The following CDH23 variants were observed in gnomAD, a reference collection of about 807,000 sequenced individuals.
The protein encoded by CDH23 is cadherin-23.
A neutral mutation model predicts 317.1 loss-of-function variants in CDH23; 189 were observed. The observed-to-expected ratio is 0.60, with a 90% CI of 0.53 to 0.67. The LOEUF (loss-of-function observed/expected upper bound fraction) is 0.67. Ranked by LOEUF, CDH23 falls within the 30% of genes least tolerant of loss-of-function variation. The probability of loss-of-function intolerance (pLI) is 0.00; values close to 1 mark genes in which losing one functional copy is unlikely to be tolerated. For synonymous variants in CDH23, 1,839 were observed against 1,876.8 expected (o/e 0.98, Z 0.52); for missense variants, 4,401 against 4,592.4 (o/e 0.96, Z 1.20).
Position 71,738,484 on chromosome 10 carries a change from A to C in CDH23, c.4210-14A>C, listed in dbSNP as rs149441656. The C allele has an allele frequency of 2.7e-4, 441 of 1,613,918 alleles. 2 individuals carry two copies. The African/African-American group carries it at 5.0e-3, about 18-fold the overall frequency. On this transcript the variant is annotated splice_polypyrimidine_tract_variant and intron_variant, in intron 34 of 69. Transcript: ENST00000224721. ...GGAAGGAGGCTGTAGGTCTCTGACCACGTTCACCCTCAGGTCTACATCACT... is the reference window on the plus strand; with the variant it reads ...GGAAGGAGGCTGTAGGTCTCTGACCCCGTTCACCCTCAGGTCTACATCACT...
chr10:71,674,568 A>T (rs2132663291), intron 14 of CDH23, among the ~76,000 whole-genome samples: 1 of 152,314 alleles, frequency 6.6e-6, no homozygotes, highest in African/African-American at 2.4e-5. Context: ...ACTGTCTCGA[A>T]GTACTGCATG....
chr10:71,694,072 G>A (rs986300934), intron 20 of CDH23, 75 bp from the exon 21 acceptor site: 8 of 1,145,626 alleles, frequency 7.0e-6, no homozygotes, highest in Non-Finnish European at 1.0e-5. Flanking sequence ...TCCTTCCCTC[G>A]CTCTCTCTCT....
chr10:71,721,684 G>A (rs997615462), intron 28 of CDH23, among the ~76,000 whole-genome samples: 21 of 152,272 alleles, frequency 1.4e-4, no homozygotes, highest in Non-Finnish European at 2.6e-4. Context: ...CGCAGTGCCC[G>A]GATGTGCATC....
chr10:71,451,483 G>A (rs1450027375), intron 3 of CDH23, among the ~76,000 whole-genome samples: 10 of 152,134 alleles, frequency 6.6e-5, no homozygotes, highest in Admixed American at 6.5e-4. Flanking sequence ...CATCTGTGCT[G>A]GTCTCCCTCT....
At chr10:71,693,389 G>A (rs1865257001) in intron 20 of CDH23, among the ~76,000 whole-genome samples, 1 of 152,048 alleles carries the variant, frequency 6.6e-6, no homozygotes, top group African/African-American at 2.4e-5. Context: ...ACCAAATACA[G>A]GCGAACAAGA....
intron 14 of CDH23, among the ~76,000 whole-genome samples, chr10:71,655,146 C>T (rs972072975): frequency 2.0e-5 from 3 of 152,136 alleles, no homozygotes; most frequent in Admixed American, 6.5e-5. Flanking sequence ...CTGCAAATCC[C>T]CTTTCCAGCC....
chr10:71,768,137 G>A (rs550616939), intron 38 of CDH23, among the ~76,000 whole-genome samples: 3 of 152,308 alleles, frequency 2.0e-5, no homozygotes, highest in Admixed American at 6.5e-5. Flanking sequence ...ATCATTCTAA[G>A]TGCTTGTTTG....
intron 11 of CDH23, among the ~76,000 whole-genome samples, chr10:71,628,950 G>A (rs939279318): frequency 6.6e-6 from 1 of 152,246 alleles, no homozygotes; most frequent in Non-Finnish European, 1.5e-5. Context: ...ACGAGGCTCA[G>A]AGAGGAAATG....
intron 6 of CDH23, among the ~76,000 whole-genome samples, chr10:71,555,219 C>T (rs563310817): frequency 2.0e-5 from 3 of 152,230 alleles, no homozygotes; most frequent in African/African-American, 7.2e-5. Flanking sequence ...AGAAGCCCAG[C>T]CCACGAGGGA....
intron 38 of CDH23, among the ~76,000 whole-genome samples, chr10:71,767,258 G>C (rs1372529279): frequency 6.6e-6 from 1 of 152,206 alleles, no homozygotes; most frequent in Non-Finnish European, 1.5e-5. Context: ...GGGTGTGTGT[G>C]GGTGTGGACA....
At chr10:71,429,669 T>G (rs1222607751) in intron 1 of CDH23, among the ~76,000 whole-genome samples, 1 of 152,172 alleles carries the variant, frequency 6.6e-6, no homozygotes, top group Non-Finnish European at 1.5e-5. Flanking sequence ...TTAACTGAAT[T>G]AATCAAAAGA....
At chr10:71,438,355 A>T (rs574208243) in intron 1 of CDH23, among the ~76,000 whole-genome samples, 125 of 151,888 alleles carry the variant, frequency 8.2e-4, no homozygotes, top group South Asian at 4.6e-3. Flanking sequence ...AACAAAAAAA[A>T]AAAAAAAAAA....
At chr10:71,547,664 G>C (rs1401270153) in intron 6 of CDH23, among the ~76,000 whole-genome samples, 1 of 152,206 alleles carries the variant, frequency 6.6e-6, no homozygotes, top group East Asian at 1.9e-4. Context: ...TGGGTGGGAG[G>C]GACAGGAGCA....
At chr10:71,697,255 G>C (rs1865426061) in intron 22 of CDH23, among the ~76,000 whole-genome samples, 1 of 152,190 alleles carries the variant, frequency 6.6e-6, no homozygotes, top group African/African-American at 2.4e-5. Flanking sequence ...CCATGAGCAG[G>C]CATGGACAAT....
chr10:71,751,319 G>A lies in CDH23; in HGVS notation c.4845+9398G>A, dbSNP rs930671682. 17 of 1,604,564 alleles carry A rather than the reference G, an allele frequency of 1.1e-5. No individual in the cohort carries two copies. The highest frequency in any genetic ancestry group is 4.5e-5 in the East Asian group (2 of 44,610). ...CAAGAAAAGGAGAAGCAAAGTGAAC[G>A]GGGCCCCTCTGCCCCTCACCCTCAA... On this transcript the variant is annotated intron_variant, in intron 38 of 69. Coordinates refer to ENST00000224721, the MANE Select transcript of CDH23 (RefSeq NM_022124.6). The surrounding 1 kb of genome is among the most constrained non-coding windows in gnomAD (Gnocchi z 4.9).
At chr10:71,476,579 G>A (rs957443072) in intron 3 of CDH23, among the ~76,000 whole-genome samples, 1 of 152,218 alleles carries the variant, frequency 6.6e-6, no homozygotes, top group Non-Finnish European at 1.5e-5. Context: ...AGAGGACAGA[G>A]GATGGGAGCA....
chr10:71,800,728 C>G lies in CDH23; in HGVS notation c.7455C>G (p.Ala2485=), dbSNP rs374142128. Residue 2485 remains alanine (A), a synonymous_variant, in exon 53 of 70, where the codon GCC becomes GCG. Transcript: ENST00000224721. ...ALAKDNPGDV[A]SNRRENSVQV... ...CCAAAGACAACCCTGGGGATGTAGC[C>G]AGCAACCGTCGCGAAAATTCAGTGC... 6.2e-7 allele frequency: 1 copy of G among 1,613,808 alleles called. No individual in the cohort carries two copies. Among genetic ancestry groups the G allele is most frequent in the Non-Finnish European group, 8.5e-7 (1 of 1,179,894 alleles).
chr10:71,613,118 G>T (rs1861000979), intron 9 of CDH23, among the ~76,000 whole-genome samples: 1 of 152,132 alleles, frequency 6.6e-6, no homozygotes, highest in Non-Finnish European at 1.5e-5. Flanking sequence ...CAAAGTGCTG[G>T]GATTACAGGC....
At chr10:71,441,157 C>G (rs1413522632) in intron 2 of CDH23, among the ~76,000 whole-genome samples, 1 of 152,130 alleles carries the variant, frequency 6.6e-6, no homozygotes, top group Non-Finnish European at 1.5e-5. Context: ...GACACCGAAC[C>G]CTGGAGAAGC....
Sources: gnomAD v4.1 joint callset for allele counts (sites outside exome capture counted in the v4.1 genomes callset) on GRCh38, gnomAD v4.1.1 for gene constraint, Gnocchi (gnomAD v3.1) non-coding constraint, MANE v1.5 for transcripts, NCBI Gene and HGNC (gene_info 2026-07-23, HGNC 2026-07-21) for gene names.